The following VWA5B2 variants were observed in gnomAD, a reference collection of about 807,000 sequenced individuals.
VWA5B2 encodes the protein von Willebrand factor A domain-containing protein 5B2.
VWA5B2 carries 93 observed loss-of-function variants against 118.5 expected under a neutral mutation model. The observed-to-expected ratio is 0.79, with a 90% CI of 0.66 to 0.93. The LOEUF (loss-of-function observed/expected upper bound fraction) is 0.93. VWA5B2 is among the 40% of genes least tolerant of loss of function. VWA5B2 has a pLI of 0.00. For synonymous variants in VWA5B2, 708 were observed against 716.3 expected, an observed-to-expected ratio of 0.99 and a Z score of 0.19; for missense variants, 1,546 against 1,672.8, an observed-to-expected ratio of 0.92 and a Z score of 1.32.
At chr3:184,230,263 A>C (rs1241583073) in intron 1 of VWA5B2, among the ~76,000 whole-genome samples, 117 bp from the exon 2 acceptor site, 2 of 152,040 alleles carry the variant, frequency 1.3e-5, no homozygotes, top group Non-Finnish European at 2.9e-5. Context: ...CTGGGCGCCG[A>C]AGCGCGCGTT....
rs1717971069 is a variant in VWA5B2, at chr3:184,236,198, T to A, written c.1148T>A (p.Ile383Asn). 6.4e-7 allele frequency: 1 copy of A among 1,551,732 alleles called. No individual in the cohort carries two copies. Among genetic ancestry groups the A allele is most frequent in the Non-Finnish European group, 8.7e-7 (1 of 1,146,982 alleles). ...AVKSLPPQTL[I>N]NLAVFGTLVQ... ...AAGTCCCTCCCGCCCCAGACGCTTA[T>A]CAACCTGGCCGTGTTTGGGACGTTG... The change falls in exon 9 of 20, where the codon ATC (isoleucine) becomes AAC (asparagine). Residue 383 changes from isoleucine to asparagine, a missense_variant. Ile to Asn is a moderately radical substitution (Grantham distance 149). Coordinates refer to ENST00000691901, the MANE Select transcript of VWA5B2 (RefSeq NM_001390846.1).
chr3:184,234,853 C>G, intron 7 of VWA5B2, 98 bp downstream of exon 7: 1 of 1,495,984 alleles, frequency 6.7e-7, no homozygotes, highest in Non-Finnish European at 8.9e-7. Context: ...GCGGGGAGGC[C>G]TCTTTTCTCG....
At position 184,239,029 on chromosome 3, in the gene VWA5B2, A is replaced by ACAAG. The variant is rs1718289598; in HGVS notation, c.2202+157_2202+160dup. Among the ~76,000 whole-genome samples, 1 of 152,246 alleles carries ACAAG rather than the reference A, an allele frequency of 6.6e-6. No individual in the cohort carries two copies. The highest frequency in any genetic ancestry group is 6.5e-5 in the Admixed American group (1 of 15,288). On this transcript the variant is annotated intron_variant, in intron 14 of 19. Coordinates refer to ENST00000691901, the MANE Select transcript of VWA5B2 (RefSeq NM_001390846.1). This position sits in a 1 kb window ranked among gnomAD's most constrained non-coding sequence, Gnocchi z 5.1. Reference sequence around the variant, plus strand: ...TACCATGTAACAACCAGTGATGAGCACAAGGACATGTATTAAGGGGGCTTA... The same window carrying ACAAG: ...TACCATGTAACAACCAGTGATGAGCACAAGCAAGGACATGTATTAAGGGGGCTTA...
In VWA5B2 at chr3:184,239,631, G is replaced by C; in HGVS notation, c.2392+48G>C. Reference sequence around the variant, plus strand: ...GTTTCCCTGACACCAAAGAGGCCTTGGGGAGGTAAAGCCCAGAGGACCACT... The same window carrying C: ...GTTTCCCTGACACCAAAGAGGCCTTCGGGAGGTAAAGCCCAGAGGACCACT... On this transcript the variant is annotated intron_variant, in intron 15 of 19. Coordinates refer to ENST00000691901, the MANE Select transcript of VWA5B2 (RefSeq NM_001390846.1). This position sits in a 1 kb window ranked among gnomAD's most constrained non-coding sequence, Gnocchi z 5.1. 1 of 1,476,006 alleles carries C rather than the reference G, an allele frequency of 6.8e-7. No individual in the cohort carries two copies. Among genetic ancestry groups the C allele is most frequent in the Non-Finnish European group, 9.0e-7 (1 of 1,105,490 alleles). 91.4% of individuals were successfully genotyped at this position (1,476,006 alleles called of 1,614,324 possible). A position where few individuals can be genotyped will look rare whatever the true frequency, so the allele number is the denominator to read the frequency against.
chr3:184,236,130 C>CGCCCTCCCTG (rs1394348672), intron 8 of VWA5B2, 22 bp from the exon 9 acceptor site: 2 of 1,548,022 alleles, frequency 1.3e-6, no homozygotes, highest in East Asian at 4.9e-5. Flanking sequence ...GGCCTCACGC[C>CGCCCTCCCTG]GCCCTCCCTG....
Position 184,238,925 on chromosome 3 carries a change from C to G in VWA5B2, c.2202+52C>G. ...CTTGTATCCAGCAAATATTTATTTA[C>G]CACCTGCTGTGCACCAGATATTATG... On this transcript the variant is annotated intron_variant, in intron 14 of 19. Transcript: ENST00000691901. The surrounding 1 kb of genome is among the most constrained non-coding windows in gnomAD (Gnocchi z 5.0). 1 of 1,426,424 alleles carries G rather than the reference C, an allele frequency of 7.0e-7. No homozygotes were observed. The highest frequency in any genetic ancestry group is 9.3e-7 in the Non-Finnish European group (1 of 1,075,630). The allele number at this position is 1,426,424 out of a possible 1,614,324, so 88.4% of individuals were successfully genotyped here.
At position 184,236,539 on chromosome 3, in the gene VWA5B2, G is replaced by A; in HGVS notation, c.1409G>A (p.Arg470Lys). 1 of 1,550,496 alleles carries A rather than the reference G, an allele frequency of 6.4e-7. No individual in the cohort carries two copies. The highest frequency in any genetic ancestry group is 8.7e-7 in the Non-Finnish European group (1 of 1,146,918). Residue 470 changes from arginine to lysine, a missense_variant, in exon 10 of 20, where the codon AGG becomes AAG. This residue lies in a region of VWA5B2 where 775 missense variants were observed against 882.3 expected (regional missense o/e 0.88). Transcript: ENST00000691901. The part of the protein sequence containing the change: ...HRTLELMRWH[R>K]GTARCFSFGL... ...ACCCTGGAGCTCATGAGGTGGCACA[G>A]GGGGACAGCCAGGTATGGGATGGGC...
chr3:184,233,171 A>G lies in VWA5B2; in HGVS notation c.311-7A>G. ...CATGCTCTGACCCCATTTCTCACCC[A>G]TCATAGGTCATCTTGTCTTGGATCT... On this transcript the variant is annotated splice_region_variant and splice_polypyrimidine_tract_variant and intron_variant, in intron 3 of 19. Transcript: ENST00000691901. This position sits in a 1 kb window ranked among gnomAD's most constrained non-coding sequence, Gnocchi z 5.2. 6.5e-7 allele frequency: 1 copy of G among 1,549,234 alleles called. No individual in the cohort carries two copies. Among genetic ancestry groups the G allele is most frequent in the Non-Finnish European group, 8.7e-7 (1 of 1,146,118 alleles).
intron 16 of VWA5B2, among the ~76,000 whole-genome samples, 153 bp downstream of exon 16, chr3:184,240,189 T>C (rs985926339): frequency 2.6e-5 from 4 of 151,800 alleles, no homozygotes; most frequent in Non-Finnish European, 4.4e-5. Context: ...AGCGGGACAA[T>C]GGGAAAAAGT....
chr3:184,239,962 T>C lies in VWA5B2; in HGVS notation c.2666T>C (p.Leu889Pro), dbSNP rs1014524783. 6 of 1,550,904 alleles carry C rather than the reference T, an allele frequency of 3.9e-6. No individual in the cohort carries two copies. Among genetic ancestry groups the C allele is most frequent in the Non-Finnish European group, 5.2e-6 (6 of 1,146,958 alleles). ...EAAWDQALHR[L>P]TAASVVRDNE... ...GCTTGGGACCAAGCACTCCATCGGC[T>C]GACAGCAGCCTCTGTGGTCCGGGAC... is the stretch of plus-strand genomic sequence containing the variant. The change falls in exon 16 of 20, where the codon CTG becomes CCG. Residue 889 changes from leucine to proline, a missense_variant. This residue lies in a region of VWA5B2 where 763 missense variants were observed against 766.6 expected (regional missense o/e 1.00). Coordinates refer to ENST00000691901, the MANE Select transcript of VWA5B2 (RefSeq NM_001390846.1). The surrounding 1 kb of genome is among the most constrained non-coding windows in gnomAD (Gnocchi z 5.1).
chr3:184,234,251 C>T lies in VWA5B2; in HGVS notation c.689-15C>T, dbSNP rs552110255. 1.2e-4 allele frequency: 185 copies of T among 1,551,130 alleles called. 6 individuals carry two copies. The South Asian group carries it at 2.1e-3, about 18-fold the overall frequency. Reference sequence around the variant, plus strand: ...TTATGGCTACATCTCCCCTTCCTGCCTCTATGTCCCTCAGGCCTGGAGAGC... The same window carrying T: ...TTATGGCTACATCTCCCCTTCCTGCTTCTATGTCCCTCAGGCCTGGAGAGC... On this transcript the variant is annotated splice_polypyrimidine_tract_variant and intron_variant, in intron 5 of 19. Transcript: ENST00000691901.
chr3:184,234,884 C>T, intron 7 of VWA5B2, 129 bp downstream of exon 7: 1 of 1,372,638 alleles, frequency 7.3e-7, no homozygotes, highest in Non-Finnish European at 9.8e-7. Context: ...TCCACAGCTG[C>T]CACCAACCAT....
chr3:184,230,349 C>T, intron 1 of VWA5B2, 31 bp from the exon 2 acceptor site: 1 of 701,996 alleles, frequency 1.4e-6, no homozygotes, highest in East Asian at 3.5e-5. Context: ...CCTGCCGCCC[C>T]CTTATCTCCC....
chr3:184,234,419 T>G (rs1051834314), intron 6 of VWA5B2, 22 bp downstream of exon 6: 1 of 1,551,388 alleles, frequency 6.4e-7, no homozygotes, highest in Middle Eastern at 1.7e-4. Context: ...GGACACACCG[T>G]GGGCCGGCTC....
In VWA5B2 at chr3:184,238,903, G is replaced by T. The variant is rs1718277918; in HGVS notation, c.2202+30G>T. The T allele has an allele frequency of 6.9e-7, 1 of 1,454,296 alleles. No individual in the cohort carries two copies. The highest frequency in any genetic ancestry group is 9.1e-7 in the Non-Finnish European group (1 of 1,097,398). 90.1% of individuals were successfully genotyped at this position (1,454,296 alleles called of 1,614,324 possible). A position where few individuals can be genotyped will look rare whatever the true frequency, so the allele number is the denominator to read the frequency against. ...GATCCAACCCACATTCATTCGCCTT[G>T]TATCCAGCAAATATTTATTTACCAC... On this transcript the variant is annotated intron_variant, in intron 14 of 19. Coordinates refer to ENST00000691901, the MANE Select transcript of VWA5B2 (RefSeq NM_001390846.1). The surrounding 1 kb of genome is among the most constrained non-coding windows in gnomAD (Gnocchi z 5.0).
chr3:184,239,725 T>C lies in VWA5B2; in HGVS notation c.2429T>C (p.Met810Thr). 6.7e-7 allele frequency: 1 copy of C among 1,495,010 alleles called. No homozygotes were observed. Among genetic ancestry groups the C allele is most frequent in the Non-Finnish European group, 9.0e-7 (1 of 1,115,692 alleles). 92.6% of individuals were successfully genotyped at this position (1,495,010 alleles called of 1,614,324 possible). ...LLSPAPMDWD[M>T]LMEPPFLFTA... ...TCCCCAGCCCCTATGGACTGGGACA[T>C]GCTGATGGAACCACCCTTCTTATTC... The change falls in exon 16 of 20, where the codon ATG (methionine) becomes ACG (threonine). Residue 810 changes from methionine (M) to threonine (T), a missense_variant. Met to Thr is a moderately conservative substitution (Grantham distance 81). Coordinates refer to ENST00000691901, the MANE Select transcript of VWA5B2 (RefSeq NM_001390846.1). This position sits in a 1 kb window ranked among gnomAD's most constrained non-coding sequence, Gnocchi z 5.1.
intron 3 of VWA5B2, among the ~76,000 whole-genome samples, chr3:184,232,444 T>C (rs1577085542): frequency 6.6e-6 from 1 of 152,118 alleles, no homozygotes; most frequent in Admixed American, 6.5e-5. Flanking sequence ...TTCCCTTCAG[T>C]TATTCAGCAA....
Position 184,233,829 on chromosome 3 carries a change from C to T in VWA5B2, c.688+96C>T, listed in dbSNP as rs1046000041. The T allele has an allele frequency of 6.1e-6, 9 of 1,465,612 alleles. No individual in the cohort carries two copies. The African/African-American group carries it at 8.5e-5, about 14-fold the overall frequency. 90.8% of individuals were successfully genotyped at this position (1,465,612 alleles called of 1,614,324 possible). On this transcript the variant is annotated intron_variant, in intron 5 of 19. Transcript: ENST00000691901. This position sits in a 1 kb window ranked among gnomAD's most constrained non-coding sequence, Gnocchi z 5.2. ...ATAAGGCTCAGGGATAGGAGGGACA[C>T]AGGACAAAAAGACAGGGACCCCAGC...
At position 184,233,087 on chromosome 3, in the gene VWA5B2, G is replaced by C. The variant is rs1577086111; in HGVS notation, c.311-91G>C. Reference sequence around the variant, plus strand: ...CAACACGCAAAGTCCCCCTTGCCCAGGCTCCCTGACCCAATGCCTGCTTCC... The same window carrying C: ...CAACACGCAAAGTCCCCCTTGCCCACGCTCCCTGACCCAATGCCTGCTTCC... On this transcript the variant is annotated intron_variant, in intron 3 of 19. Transcript: ENST00000691901. This position sits in a 1 kb window ranked among gnomAD's most constrained non-coding sequence, Gnocchi z 5.2. 1.6e-6 allele frequency: 2 copies of C among 1,230,872 alleles called. No homozygotes were observed. The highest frequency in any genetic ancestry group is 2.3e-6 in the Non-Finnish European group (2 of 883,074). 76.2% of individuals were successfully genotyped at this position (1,230,872 alleles called of 1,614,324 possible). A position where few individuals can be genotyped will look rare whatever the true frequency, so the allele number is the denominator to read the frequency against.
Sources: gnomAD v4.1 joint callset for allele counts (sites outside exome capture counted in the v4.1 genomes callset) on GRCh38, gnomAD v4.1.1 for gene constraint, gnomAD v4.1.1 regional missense constraint, Gnocchi (gnomAD v3.1) non-coding constraint, MANE v1.5 for transcripts, NCBI Gene and HGNC (gene_info 2026-07-23, HGNC 2026-07-21) for gene names.